The following IL1RN variants were observed in gnomAD, a reference collection of about 807,000 sequenced individuals.
IL1RN encodes the protein interleukin 1 receptor antagonist.
In IL1RN, 10 loss-of-function variants were observed where a neutral mutation model predicts 13.7. The ratio of observed to expected loss-of-function variants is 0.73; its 90% confidence interval spans 0.45 to 1.24. The LOEUF is 1.24. IL1RN is among the 50% of genes most tolerant of loss of function. The pLI is 0.00. For synonymous variants in IL1RN, 102 were observed against 82.7 expected (o/e 1.23, Z -1.27); for missense variants, 213 against 222.1 (o/e 0.96, Z 0.26).
chr2:113,117,652 CAGTCGG>C (rs1223097262), upstream of IL1RN: 3 of 422,204 alleles, frequency 7.1e-6, no homozygotes, highest in Non-Finnish European at 1.3e-5. Flanking sequence ...GAGCTGGCGG[CAGTCGG>C]GGTTGGGGTA....
At chr2:113,131,196 C>T in intron 3 of IL1RN, 39 bp downstream of exon 3, 2 of 1,399,562 alleles carry the variant, frequency 1.4e-6, no homozygotes, top group Non-Finnish European at 2.0e-6. Flanking sequence ...CCCCAAAACC[C>T]AGTGGCTTGA....
At chr2:113,122,778 C>T (rs891373462), upstream of IL1RN, among the ~76,000 whole-genome samples, 6 of 152,178 alleles carry the variant, frequency 3.9e-5, no homozygotes, top group African/African-American at 9.7e-5. Context: ...TTTCCTACCC[C>T]TACCTCTAAA....
At chr2:113,117,074 G>C (rs1226353298), upstream of IL1RN, among the ~76,000 whole-genome samples, 3 of 152,220 alleles carry the variant, frequency 2.0e-5, no homozygotes, top group African/African-American at 7.2e-5. Flanking sequence ...TCTGCTCCCT[G>C]ATGGCAGAAT....
chr2:113,124,308 T>C (rs1686882048), upstream of IL1RN, among the ~76,000 whole-genome samples: 1 of 151,916 alleles, frequency 6.6e-6, no homozygotes. Flanking sequence ...TGGGCAGAAA[T>C]CATAAGGACG....
In IL1RN at chr2:113,127,671, T is replaced by C; in HGVS notation, c.47T>C (p.Leu16Pro). 1 of 1,614,156 alleles carries C rather than the reference T, an allele frequency of 6.2e-7. No homozygotes were observed. The highest frequency in any genetic ancestry group is 8.5e-7 in the Non-Finnish European group (1 of 1,180,030). ...CGCAGTCACCTAATCACTCTCCTCC[T>C]CTTCCTGTTCCATTCAGAGACGATC... ...GLRSHLITLL[L>P]FLFHSETICR... is the part of the protein sequence containing the mutation. Residue 16 changes from leucine (L) to proline (P), a missense_variant, in exon 1 of 4, where the codon CTC becomes CCC. Physicochemically the swap from Leu to Pro is moderately conservative, Grantham distance 98. Coordinates refer to ENST00000409930, the MANE Select transcript of IL1RN (RefSeq NM_173842.3).
At chr2:113,101,347 G>T in the IL1RN span, among the ~76,000 whole-genome samples, 2,313 of 152,258 alleles carry the variant, frequency 0.015, 62 homozygotes, top group African/African-American at 0.052. Flanking sequence ...GAGGCCTGAT[G>T]TGATTACAGC....
upstream of IL1RN, among the ~76,000 whole-genome samples, chr2:113,116,870 C>G (rs1315949622): frequency 1.3e-5 from 2 of 152,166 alleles, no homozygotes; most frequent in African/African-American, 4.8e-5. Flanking sequence ...AGCCCTAAGT[C>G]TAAGATAGGG....
At chr2:113,104,281 T>C (rs1281588349), upstream of IL1RN, among the ~76,000 whole-genome samples, 1 of 152,156 alleles carries the variant, frequency 6.6e-6, no homozygotes, top group East Asian at 1.9e-4. Flanking sequence ...AGTGAATCTT[T>C]GGTAACCTGG....
chr2:113,132,149 C>G, intron 3 of IL1RN, among the ~76,000 whole-genome samples: 1 of 152,212 alleles, frequency 6.6e-6, no homozygotes, highest in East Asian at 1.9e-4. Context: ...TCTTTGCTGT[C>G]CTAAGAAACC....
At chr2:113,108,671 G>C (rs1352772519), upstream of IL1RN, among the ~76,000 whole-genome samples, 1 of 152,154 alleles carries the variant, frequency 6.6e-6, no homozygotes, top group Non-Finnish European at 1.5e-5. Context: ...TGTGGGAATT[G>C]CGGGTGGTGG....
upstream of IL1RN, among the ~76,000 whole-genome samples, chr2:113,116,326 T>A (rs867574157): frequency 6.6e-5 from 10 of 152,330 alleles, no homozygotes; most frequent in Middle Eastern, 0.01. Context: ...GGTTTACAAA[T>A]CTAGTTTCTG....
chr2:113,124,960 G>A (rs1686905768), upstream of IL1RN, among the ~76,000 whole-genome samples: 1 of 152,162 alleles, frequency 6.6e-6, no homozygotes, highest in Admixed American at 6.5e-5. Context: ...AATTCAGACT[G>A]GGGTCAGAGA....
At chr2:113,109,934 T>G (rs937198764), upstream of IL1RN, among the ~76,000 whole-genome samples, 3 of 152,150 alleles carry the variant, frequency 2.0e-5, no homozygotes, top group African/African-American at 7.2e-5. Context: ...AGAAAAAGAT[T>G]TGGGCCATGC....
rs432014 is a variant in IL1RN at position 113,131,002 on chromosome 2, T to C, written c.206-43T>C. On this transcript the variant is annotated intron_variant, in intron 2 of 3. Coordinates refer to ENST00000409930, the MANE Select transcript of IL1RN (RefSeq NM_173842.3). Reference sequence around the variant, plus strand: ...CCCGGGGTCTCTTCATTATTGCTGCTTCCTCTTCTATTAACCTGACCCTCC... The same window carrying C: ...CCCGGGGTCTCTTCATTATTGCTGCCTCCTCTTCTATTAACCTGACCCTCC... 0.26 allele frequency: 322,271 copies of C among 1,227,456 alleles called. 44,853 individuals are homozygous for C. Among genetic ancestry groups the C allele is most frequent in the Admixed American group, 0.32 (18,874 of 59,420 alleles). 76.0% of individuals were successfully genotyped at this position (1,227,456 alleles called of 1,614,324 possible). A position where few individuals can be genotyped will look rare whatever the true frequency, so the allele number is the denominator to read the frequency against.
chr2:113,123,068 TGAGCC>T (rs1686834692), upstream of IL1RN, among the ~76,000 whole-genome samples: 2 of 152,192 alleles, frequency 1.3e-5, no homozygotes, highest in Non-Finnish European at 2.9e-5. Context: ...GAGGTTGCGG[TGAGCC>T]TAGATTGCTC....
chr2:113,127,896 T>C (rs530286764), intron 1 of IL1RN, among the ~76,000 whole-genome samples, 156 bp downstream of exon 1: 84 of 152,352 alleles, frequency 5.5e-4, no homozygotes, highest in Non-Finnish European at 7.3e-5. Flanking sequence ...GTTACATGCA[T>C]GGGCTTCAGG....
chr2:113,124,436 A>T (rs564514398), upstream of IL1RN, among the ~76,000 whole-genome samples: 117 of 121,988 alleles, frequency 9.6e-4, no homozygotes, highest in South Asian at 3.6e-3. Context: ...ACAGTGATTG[A>T]CAGCCCCCCC....
chr2:113,106,827 A>G (rs1686393619), upstream of IL1RN, among the ~76,000 whole-genome samples: 3 of 152,262 alleles, frequency 2.0e-5, no homozygotes, highest in Non-Finnish European at 4.4e-5. Flanking sequence ...TGAAAGATTT[A>G]AAGAAAATAA....
At chr2:113,116,142 G>A (rs1351738269), upstream of IL1RN, among the ~76,000 whole-genome samples, 1 of 152,130 alleles carries the variant, frequency 6.6e-6, no homozygotes, top group Non-Finnish European at 1.5e-5. Context: ...ATAGTTCATG[G>A]TGCTGGGATT....
Sources: gnomAD v4.1 joint callset for allele counts (sites outside exome capture counted in the v4.1 genomes callset) on GRCh38, gnomAD v4.1.1 for gene constraint, MANE v1.5 for transcripts, NCBI Gene and HGNC (gene_info 2026-07-23, HGNC 2026-07-21) for gene names.